HS3ST4: variants seen among roughly 807,000 people sequenced by gnomAD.
The protein encoded by HS3ST4 is heparan sulfate-glucosamine 3-sulfotransferase 4, also known as heparan sulfate glucosamine 3-O-sulfotransferase 4.
In HS3ST4, 17 loss-of-function variants were observed where a neutral mutation model predicts 29.2. That is an observed-to-expected ratio of 0.58 (90% CI 0.40 to 0.87). The LOEUF (loss-of-function observed/expected upper bound fraction) is 0.87. Among genes scored for constraint, HS3ST4 ranks in the 40% least tolerant of loss-of-function variants. HS3ST4 has a pLI of 0.00. For synonymous variants in HS3ST4, 314 were observed against 285.7 expected (o/e 1.10, Z -1.00); for missense variants, 627 against 634.5 (o/e 0.99, Z 0.13).
At chr16:25,948,837 A>G (rs4075109) in intron 1 of HS3ST4, among the ~76,000 whole-genome samples, 124,542 of 152,128 alleles carry the variant, frequency 0.82, 51,527 homozygotes, top group African/African-American at 0.94. Context: ...CCTCCGTGGC[A>G]CTGTGCAGCA....
intron 1 of HS3ST4, among the ~76,000 whole-genome samples, chr16:25,882,967 T>A (rs2141664889): frequency 6.6e-6 from 1 of 152,272 alleles, no homozygotes; most frequent in Middle Eastern, 3.4e-3. Flanking sequence ...GACAGAGAAC[T>A]CATGGATCTT....
At chr16:25,935,771 A>G (rs1331812760) in intron 1 of HS3ST4, among the ~76,000 whole-genome samples, 1 of 152,184 alleles carries the variant, frequency 6.6e-6, no homozygotes, top group African/African-American at 2.4e-5. Flanking sequence ...TAAAGCTGCT[A>G]TAATGTTTAT....
intron 1 of HS3ST4, among the ~76,000 whole-genome samples, chr16:26,092,874 A>G (rs1898874092): frequency 6.6e-6 from 1 of 151,990 alleles, no homozygotes; most frequent in Non-Finnish European, 1.5e-5. Flanking sequence ...GAAAAACGGG[A>G]CACTCCCACT....
chr16:26,081,777 G>T (rs11074745), intron 1 of HS3ST4, among the ~76,000 whole-genome samples: 51,929 of 144,044 alleles, frequency 0.36, 10,072 homozygotes, highest in Middle Eastern at 0.44. Context: ...GTACTTCAGG[G>T]AGTACATTCT....
At chr16:26,101,731 C>T (rs958938615) in intron 1 of HS3ST4, among the ~76,000 whole-genome samples, 1 of 152,088 alleles carries the variant, frequency 6.6e-6, no homozygotes, top group Admixed American at 6.6e-5. Flanking sequence ...CTTTTTCCAT[C>T]CATCTGGAAT....
intron 1 of HS3ST4, among the ~76,000 whole-genome samples, chr16:25,929,493 CT>C (rs1323852916): frequency 6.6e-6 from 1 of 152,212 alleles, no homozygotes; most frequent in Non-Finnish European, 1.5e-5. Flanking sequence ...TCGCATCCCA[CT>C]ACTGTCTGGA....
At chr16:26,086,585 G>A (rs1376815421) in intron 1 of HS3ST4, among the ~76,000 whole-genome samples, 3 of 152,090 alleles carry the variant, frequency 2.0e-5, no homozygotes, top group Admixed American at 6.6e-5. Context: ...TCCCGACCTC[G>A]TGATCCGCCT....
chr16:26,018,360 A>G (rs1333584852), intron 1 of HS3ST4, among the ~76,000 whole-genome samples: 1 of 152,224 alleles, frequency 6.6e-6, no homozygotes, highest in Non-Finnish European at 1.5e-5. Flanking sequence ...CGGAACTAAC[A>G]GTAAGAAACC....
chr16:25,741,096 C>CT (rs199971033), intron 1 of HS3ST4, among the ~76,000 whole-genome samples: 1,746 of 151,956 alleles, frequency 0.011, 15 homozygotes, highest in East Asian at 0.016. Flanking sequence ...GAAGGGATTT[C>CT]TTTTTTTGAA....
chr16:25,954,849 A>G (rs1439443893), intron 1 of HS3ST4, among the ~76,000 whole-genome samples: 1 of 152,240 alleles, frequency 6.6e-6, no homozygotes, highest in Non-Finnish European at 1.5e-5. Context: ...ATCATTTCAT[A>G]TAAGAGATTC....
At chr16:25,845,100 G>C (rs1221950280) in intron 1 of HS3ST4, among the ~76,000 whole-genome samples, 1 of 152,104 alleles carries the variant, frequency 6.6e-6, no homozygotes, top group Non-Finnish European at 1.5e-5. Context: ...TGGATGCTGG[G>C]CTTAATATCT....
intron 1 of HS3ST4, among the ~76,000 whole-genome samples, chr16:26,106,497 A>G (rs182627380): frequency 1.5e-4 from 23 of 152,340 alleles, no homozygotes; most frequent in African/African-American, 5.1e-4. Context: ...CAAGAGGAGC[A>G]TGTTCAAGGA....
At position 26,032,942 on chromosome 16, in the gene HS3ST4, T is replaced by G. The variant is rs1209153817; in HGVS notation, c.735-102670T>G. On this transcript the variant is annotated intron_variant, in intron 1 of 1. Coordinates refer to ENST00000331351, the MANE Select transcript of HS3ST4 (RefSeq NM_006040.3). ...TCCGGAGGCGTGTTTTAAGACTGAT[T>G]TAGATTCAGGCCCAAAGTATTCTTA... The G allele has an allele frequency of 4.1e-6, 3 of 739,528 alleles. No individual in the cohort carries two copies. The African/African-American group carries it at 5.2e-5, about 13-fold the overall frequency. 45.8% of individuals were successfully genotyped at this position (739,528 alleles called of 1,614,324 possible).
intron 1 of HS3ST4, among the ~76,000 whole-genome samples, chr16:25,869,314 G>T (rs560972775): frequency 6.6e-5 from 10 of 152,020 alleles, no homozygotes; most frequent in Admixed American, 6.6e-4. Context: ...CGCAAGCAAA[G>T]GACAGGTTGT....
intron 1 of HS3ST4, among the ~76,000 whole-genome samples, chr16:25,828,263 T>TCTCTCTCTCTCTCTCTCTCTCTCTCTCC (rs1967247011): frequency 1.2e-5 from 1 of 83,360 alleles, no homozygotes; most frequent in African/African-American, 5.2e-5. Context: ...TTTCTTTCTT[T>TCTCTCTCTCTCTCTCTCTCTCTCTCTCC]CTTTCTTTCT....
At chr16:25,864,458 A>T (rs1044703005) in intron 1 of HS3ST4, among the ~76,000 whole-genome samples, 2 of 152,008 alleles carry the variant, frequency 1.3e-5, no homozygotes, top group Non-Finnish European at 2.9e-5. Context: ...CTTAACTACT[A>T]TAGTTATCAT....
chr16:25,762,661 G>T (rs1333558010), intron 1 of HS3ST4, among the ~76,000 whole-genome samples: 1 of 151,886 alleles, frequency 6.6e-6, no homozygotes, highest in African/African-American at 2.4e-5. Context: ...GAGCTCAGGA[G>T]GTTGAGATCA....
In HS3ST4 at chr16:25,743,559, G is replaced by T. The variant is rs1327137045; in HGVS notation, c.734+50408G>T. On this transcript the variant is annotated intron_variant, in intron 1 of 1. Transcript: ENST00000331351. ...CTCACTCTGTCACCCAGGCTGGAGT[G>T]CAGTGGTACGATATCGGCTCACTAC... is the stretch of plus-strand genomic sequence containing the variant. Among the ~76,000 whole-genome samples, 3 of 152,236 alleles carry T rather than the reference G, an allele frequency of 2.0e-5. No homozygotes were observed. The East Asian group carries it at 5.8e-4, about 29-fold the overall frequency.
chr16:26,127,183 C>T (rs926042335), intron 1 of HS3ST4, among the ~76,000 whole-genome samples: 4 of 152,162 alleles, frequency 2.6e-5, no homozygotes, highest in African/African-American at 9.7e-5. Context: ...GTCCCACTCC[C>T]AAGGTCCTTA....
Sources: allele counts gnomAD v4.1 joint callset (sites outside exome capture counted in the v4.1 genomes callset), GRCh38; gene constraint gnomAD v4.1.1; transcripts MANE v1.5; gene names NCBI Gene and HGNC (gene_info 2026-07-23, HGNC 2026-07-21).